The following CDH18 variants were observed in gnomAD, a reference collection of about 807,000 sequenced individuals.
The protein encoded by CDH18 is cadherin 18.
In CDH18, 31 loss-of-function variants were observed where a neutral mutation model predicts 67.9. That is an observed-to-expected ratio of 0.46 (90% CI 0.34 to 0.62). The LOEUF (loss-of-function observed/expected upper bound fraction) is 0.62, where lower values mean the gene tolerates loss of function less well. Among genes scored for constraint, CDH18 ranks in the 20% least tolerant of loss-of-function variants. CDH18 has a pLI of 0.01. For synonymous variants in CDH18, 362 were observed against 347.2 expected (o/e 1.04, Z -0.48); for missense variants, 890 against 975.5 (o/e 0.91, Z 1.17).
intron 5 of CDH18, among the ~76,000 whole-genome samples, chr5:19,715,715 C>G (rs1413604856): frequency 6.6e-6 from 1 of 151,662 alleles, no homozygotes; most frequent in Non-Finnish European, 1.5e-5. Flanking sequence ...CTAAAAAGTT[C>G]TTTCAAACAA....
At chr5:19,580,259 T>A (rs902816340) in intron 7 of CDH18, among the ~76,000 whole-genome samples, 1 of 151,850 alleles carries the variant, frequency 6.6e-6, no homozygotes, top group Non-Finnish European at 1.5e-5. Context: ...AAAAATAATT[T>A]CCCATGCAAA....
chr5:20,383,064 T>TA (rs1430433939), intron 1 of CDH18, among the ~76,000 whole-genome samples: 1 of 152,086 alleles, frequency 6.6e-6, no homozygotes, highest in Non-Finnish European at 1.5e-5. Context: ...AAAAATCCCT[T>TA]AAAAAAACTC....
intron 2 of CDH18, among the ~76,000 whole-genome samples, chr5:20,066,256 C>T (rs1279257372): frequency 2.0e-5 from 3 of 151,972 alleles, no homozygotes; most frequent in African/African-American, 7.2e-5. Flanking sequence ...CTCCACTATC[C>T]CTGCTTCCAC....
intron 2 of CDH18, among the ~76,000 whole-genome samples, chr5:20,132,056 T>C (rs1324259186): frequency 6.6e-6 from 1 of 151,590 alleles, no homozygotes; most frequent in African/African-American, 2.4e-5. Context: ...CCCAGCAAAG[T>C]TTTTGTATTT....
intron 2 of CDH18, among the ~76,000 whole-genome samples, chr5:20,112,357 C>A (rs112586163): frequency 1.6e-4 from 25 of 152,220 alleles, no homozygotes; most frequent in African/African-American, 5.8e-4. Flanking sequence ...ATTTTAATGG[C>A]TGAATTTTTT....
chr5:19,934,809 A>T (rs578118764), intron 2 of CDH18, among the ~76,000 whole-genome samples: 1 of 151,522 alleles, frequency 6.6e-6, no homozygotes, highest in South Asian at 2.1e-4. Flanking sequence ...ACAGAATAAT[A>T]GAGTCAAAAA....
At chr5:19,950,987 T>A (rs1193255096) in intron 2 of CDH18, among the ~76,000 whole-genome samples, 1 of 152,174 alleles carries the variant, frequency 6.6e-6, no homozygotes, top group Admixed American at 6.5e-5. Context: ...TTTGGTTCAA[T>A]GGCAGTGATT....
At chr5:19,772,377 G>A (rs1773829600) in intron 3 of CDH18, among the ~76,000 whole-genome samples, 3 of 152,138 alleles carry the variant, frequency 2.0e-5, no homozygotes, top group Non-Finnish European at 2.9e-5. Context: ...AGGCAGGAGA[G>A]CCAGAAGAAA....
chr5:20,408,975 C>A (rs1746534120), intron 1 of CDH18, among the ~76,000 whole-genome samples: 2 of 151,584 alleles, frequency 1.3e-5, no homozygotes, highest in African/African-American at 2.4e-5. Flanking sequence ...CTGCAAGAGA[C>A]AAAGAAGGAC....
At chr5:19,559,111 C>G (rs981944963) in intron 8 of CDH18, among the ~76,000 whole-genome samples, 5 of 152,060 alleles carry the variant, frequency 3.3e-5, no homozygotes. Flanking sequence ...CACTAATGTT[C>G]TATCATTTTT....
intron 1 of CDH18, among the ~76,000 whole-genome samples, chr5:20,499,606 T>A (rs1269330433): frequency 4.6e-5 from 7 of 152,114 alleles, no homozygotes; most frequent in African/African-American, 1.7e-4. Flanking sequence ...CCTTAATTTG[T>A]CATTTTGAAC....
At chr5:20,322,115 T>C (rs1738088722) in intron 1 of CDH18, among the ~76,000 whole-genome samples, 3 of 152,068 alleles carry the variant, frequency 2.0e-5, no homozygotes, top group Admixed American at 2.0e-4. Context: ...ACAGAGTGCA[T>C]GGTTGGAAGA....
chr5:20,510,388 T>G (rs540144581), intron 1 of CDH18, among the ~76,000 whole-genome samples: 1 of 152,320 alleles, frequency 6.6e-6, no homozygotes, highest in Admixed American at 6.5e-5. Context: ...TCTCTTGCTA[T>G]GCAGAAACAT....
chr5:20,039,953 C>A (rs2150470160), intron 2 of CDH18, among the ~76,000 whole-genome samples: 1 of 152,156 alleles, frequency 6.6e-6, no homozygotes, highest in Admixed American at 6.6e-5. Flanking sequence ...ATCCATCTGA[C>A]AAAGGGCTAA....
At chr5:20,458,722 A>G (rs1751016025) in intron 1 of CDH18, among the ~76,000 whole-genome samples, 1 of 152,212 alleles carries the variant, frequency 6.6e-6, no homozygotes, top group Non-Finnish European at 1.5e-5. Flanking sequence ...TGTATAAGAA[A>G]TTCCTCCTTG....
chr5:20,071,454 C>T (rs984483972), intron 2 of CDH18, among the ~76,000 whole-genome samples: 2 of 151,996 alleles, frequency 1.3e-5, no homozygotes, highest in African/African-American at 2.4e-5. Flanking sequence ...TCATTTAGTG[C>T]ATGTTGGTAC....
intron 1 of CDH18, among the ~76,000 whole-genome samples, chr5:20,292,300 C>T (rs914262461): frequency 1.4e-4 from 22 of 152,272 alleles, no homozygotes; most frequent in African/African-American, 5.1e-4. Context: ...AGAAACACTG[C>T]TGTTTTGCTT....
intron 2 of CDH18, among the ~76,000 whole-genome samples, chr5:19,867,985 G>T (rs2150008112): frequency 6.6e-6 from 1 of 152,186 alleles, no homozygotes; most frequent in African/African-American, 2.4e-5. Context: ...TGCCCACTTT[G>T]CTCAGCACTT....
intron 2 of CDH18, among the ~76,000 whole-genome samples, chr5:19,934,500 T>C (rs992417027): frequency 2.6e-5 from 4 of 151,444 alleles, no homozygotes; most frequent in South Asian, 2.1e-4. Context: ...AGACAGATGG[T>C]TCCCTAAAGA....
Sources: gnomAD v4.1 joint callset for allele counts (sites outside exome capture counted in the v4.1 genomes callset) on GRCh38, gnomAD v4.1.1 for gene constraint, MANE v1.5 for transcripts, NCBI Gene and HGNC (gene_info 2026-07-23, HGNC 2026-07-21) for gene names.